The following RAB38 variants were observed in gnomAD, a reference collection of about 807,000 sequenced individuals.
RAB38 encodes the protein RAB38, member RAS oncogene family.
In RAB38, 15 loss-of-function variants were observed where a neutral mutation model predicts 18.4. The observed-to-expected ratio is 0.82, with a 90% confidence interval of 0.55 to 1.26. The LOEUF (loss-of-function observed/expected upper bound fraction) is 1.26. RAB38 is among the 50% of genes most tolerant of loss of function. RAB38 has a pLI of 0.00. For missense variants in RAB38, 294 were observed against 267.4 expected, an observed-to-expected ratio of 1.10 and a Z score of -0.69; for synonymous variants, 101 against 104.4, an observed-to-expected ratio of 0.97 and a Z score of 0.20.
At chr11:87,832,594 C>G in the RAB38 span, among the ~76,000 whole-genome samples, 1 of 152,140 alleles carries the variant, frequency 6.6e-6, no homozygotes, top group South Asian at 2.1e-4. Flanking sequence ...GCAGAACTCT[C>G]TCCAGTCCAA....
the RAB38 span, among the ~76,000 whole-genome samples, chr11:88,017,236 G>A: frequency 6.6e-6 from 1 of 152,168 alleles, no homozygotes; most frequent in Non-Finnish European, 1.5e-5. Flanking sequence ...CCATTGGTCT[G>A]TGAATACTTC....
intron 1 of RAB38, among the ~76,000 whole-genome samples, chr11:88,157,122 T>G (rs1198363682): frequency 6.6e-6 from 1 of 152,048 alleles, no homozygotes; most frequent in African/African-American, 2.4e-5. Context: ...ATGACACCCA[T>G]AGGCTCAAAG....
chr11:87,950,288 C>G, the RAB38 span, among the ~76,000 whole-genome samples: 4 of 152,150 alleles, frequency 2.6e-5, no homozygotes, highest in Admixed American at 1.3e-4. Context: ...TGTCTCTGCA[C>G]GTGAGATGGG....
the RAB38 span, among the ~76,000 whole-genome samples, chr11:88,006,147 T>C: frequency 7.0e-6 from 1 of 143,008 alleles, no homozygotes; most frequent in East Asian, 2.1e-4. Flanking sequence ...AGAGAAGACA[T>C]ACAGATGACC....
the RAB38 span, among the ~76,000 whole-genome samples, chr11:87,850,409 T>C: frequency 6.6e-6 from 1 of 152,106 alleles, no homozygotes; most frequent in Non-Finnish European, 1.5e-5. Flanking sequence ...GTGTTGCTTT[T>C]TGTAATACTT....
the RAB38 span, among the ~76,000 whole-genome samples, chr11:88,051,082 A>T: frequency 6.6e-6 from 1 of 152,178 alleles, no homozygotes; most frequent in Non-Finnish European, 1.5e-5. Flanking sequence ...TTGATTTTTT[A>T]AAATATCGCA....
the RAB38 span, among the ~76,000 whole-genome samples, chr11:88,097,653 A>G: frequency 1.3e-5 from 2 of 151,946 alleles, no homozygotes; most frequent in Non-Finnish European, 2.9e-5. Flanking sequence ...AAAGAATTCG[A>G]GTTCCTTCAT....
chr11:88,171,488 G>GT (rs1388368616), intron 1 of RAB38, among the ~76,000 whole-genome samples: 1 of 152,196 alleles, frequency 6.6e-6, no homozygotes, highest in African/African-American at 2.4e-5. Context: ...TATTTTCAGA[G>GT]TATCTAAATT....
At chr11:88,026,496 G>C in the RAB38 span, among the ~76,000 whole-genome samples, 1 of 149,238 alleles carries the variant, frequency 6.7e-6, no homozygotes, top group African/African-American at 2.5e-5. Flanking sequence ...CCGGGAGGCG[G>C]AGGTTGCAGT....
chr11:88,174,188 T>C (rs970776800), intron 1 of RAB38: 5 of 739,270 alleles, frequency 6.8e-6, no homozygotes, highest in Non-Finnish European at 8.3e-6. Context: ...TGAAGAGACT[T>C]GTCCAAAGCC....
At chr11:87,956,690 CT>C in the RAB38 span, among the ~76,000 whole-genome samples, 3 of 152,140 alleles carry the variant, frequency 2.0e-5, no homozygotes, top group Non-Finnish European at 4.4e-5. Context: ...GAAGGTCACT[CT>C]GACCACCCCC....
the RAB38 span, among the ~76,000 whole-genome samples, chr11:87,938,972 C>T: frequency 6.6e-6 from 1 of 151,986 alleles, no homozygotes; most frequent in Non-Finnish European, 1.5e-5. Context: ...AGAAGTCCTT[C>T]ATTGTTTTTT....
chr11:87,866,171 G>C, the RAB38 span, among the ~76,000 whole-genome samples: 1 of 151,610 alleles, frequency 6.6e-6, no homozygotes, highest in African/African-American at 2.4e-5. Context: ...GGAGAGTGTG[G>C]GGCATAGGGG....
chr11:87,976,173 G>A, the RAB38 span, among the ~76,000 whole-genome samples: 3 of 145,024 alleles, frequency 2.1e-5, no homozygotes, highest in Admixed American at 1.4e-4. Flanking sequence ...TATGTATATA[G>A]GTATATATAG....
intron 2 of RAB38, among the ~76,000 whole-genome samples, chr11:88,115,041 A>G (rs1300790665): frequency 1.3e-5 from 2 of 152,232 alleles, no homozygotes; most frequent in Non-Finnish European, 2.9e-5. Flanking sequence ...TGGAGCAAAC[A>G]TTTGAATCTA....
At chr11:88,037,286 T>TC in the RAB38 span, among the ~76,000 whole-genome samples, 4 of 152,064 alleles carry the variant, frequency 2.6e-5, no homozygotes, top group African/African-American at 9.7e-5. Flanking sequence ...TTAAGTTATT[T>TC]CCCCTCTGCA....
At chr11:88,066,918 C>T in the RAB38 span, among the ~76,000 whole-genome samples, 1 of 152,352 alleles carries the variant, frequency 6.6e-6, no homozygotes, top group Non-Finnish European at 1.5e-5. Context: ...CTGAGGCCCT[C>T]TTCCAGCTAA....
chr11:88,121,361 G>T (rs751643498), intron 2 of RAB38, among the ~76,000 whole-genome samples: 10 of 152,152 alleles, frequency 6.6e-5, no homozygotes, highest in Admixed American at 1.3e-4. Flanking sequence ...TATTTTACTG[G>T]TACTAAGTTT....
chr11:87,824,991 AGAGT>A, the RAB38 span, among the ~76,000 whole-genome samples: 6 of 151,764 alleles, frequency 4.0e-5, no homozygotes, highest in Admixed American at 6.6e-5. Flanking sequence ...AGAGAGAGAG[AGAGT>A]GAGTGTGTGT....
Sources: gnomAD v4.1 joint callset for allele counts (sites outside exome capture counted in the v4.1 genomes callset) on GRCh38, gnomAD v4.1.1 for gene constraint, MANE v1.5 for transcripts, NCBI Gene and HGNC (gene_info 2026-07-23, HGNC 2026-07-21) for gene names.